OLFM3: variants seen among roughly 807,000 people sequenced by gnomAD.
The protein encoded by OLFM3 is noelin-3.
A neutral mutation model predicts 48.6 loss-of-function variants in OLFM3; 20 were observed. The ratio of observed to expected loss-of-function variants is 0.41; its 90% CI spans 0.29 to 0.60. The LOEUF is 0.60. Ranked by LOEUF, OLFM3 falls within the 20% of genes least tolerant of loss-of-function variation. OLFM3 has a pLI of 0.28. For missense variants in OLFM3, 437 were observed against 544.3 expected, an observed-to-expected ratio of 0.80 and a Z score of 1.96; for synonymous variants, 222 against 198.1, an observed-to-expected ratio of 1.12 and a Z score of -1.01.
At chr1:101,818,767 C>A (rs978403045) in intron 4 of OLFM3, among the ~76,000 whole-genome samples, 3 of 152,122 alleles carry the variant, frequency 2.0e-5, no homozygotes, top group Admixed American at 1.3e-4. Flanking sequence ...TTCCTTCCCC[C>A]CAAAAGCTTT....
chr1:101,949,262 T>C (rs1411353917), intron 1 of OLFM3, among the ~76,000 whole-genome samples: 2 of 152,172 alleles, frequency 1.3e-5, no homozygotes, highest in Non-Finnish European at 2.9e-5. Flanking sequence ...CTGGCTCTTT[T>C]TATCTTCTTG....
intron 1 of OLFM3, among the ~76,000 whole-genome samples, chr1:101,909,435 T>C (rs577238611): frequency 6.6e-6 from 1 of 152,348 alleles, no homozygotes; most frequent in East Asian, 1.9e-4. Flanking sequence ...AATATATTCA[T>C]CATGTAAATT....
At chr1:101,957,659 A>G (rs528598056) in intron 1 of OLFM3, among the ~76,000 whole-genome samples, 2 of 152,176 alleles carry the variant, frequency 1.3e-5, no homozygotes, top group South Asian at 4.1e-4. Flanking sequence ...TTGAAATTTA[A>G]GAAAATTATA....
chr1:101,913,692 A>G (rs1658832698), intron 1 of OLFM3, among the ~76,000 whole-genome samples: 1 of 152,238 alleles, frequency 6.6e-6, no homozygotes, highest in East Asian at 1.9e-4. Context: ...ACAGAAAAAA[A>G]AAAAAAATCA....
intron 1 of OLFM3, among the ~76,000 whole-genome samples, chr1:101,980,806 T>A (rs2101108559): frequency 6.6e-6 from 1 of 152,164 alleles, no homozygotes; most frequent in African/African-American, 2.4e-5. Context: ...ATTTTCCACA[T>A]CAGAAGAGAA....
At chr1:101,874,035 G>T (rs1244771203) in intron 1 of OLFM3, among the ~76,000 whole-genome samples, 1 of 151,814 alleles carries the variant, frequency 6.6e-6, no homozygotes, top group Non-Finnish European at 1.5e-5. Flanking sequence ...TACCTACATG[G>T]CTTATTATCA....
intron 1 of OLFM3, among the ~76,000 whole-genome samples, chr1:101,994,513 T>A (rs1160965465): frequency 1.3e-5 from 2 of 149,956 alleles, no homozygotes; most frequent in African/African-American, 4.9e-5. Context: ...TACAAAATTC[T>A]TAGTTTATAA....
intron 1 of OLFM3, among the ~76,000 whole-genome samples, chr1:101,841,073 CTT>C (rs971645003): frequency 6.6e-6 from 1 of 152,108 alleles, no homozygotes; most frequent in Non-Finnish European, 1.5e-5. Flanking sequence ...TTGCTTATAA[CTT>C]AATTACAAAG....
intron 4 of OLFM3, chr1:101,812,513 G>A (rs577261501): frequency 4.1e-6 from 4 of 985,294 alleles, no homozygotes; most frequent in African/African-American, 1.7e-5. Context: ...TGCATAATCC[G>A]ATGTTGATTA....
chr1:101,825,560 AT>A (rs1192001484), intron 3 of OLFM3, among the ~76,000 whole-genome samples: 1 of 152,182 alleles, frequency 6.6e-6, no homozygotes, highest in African/African-American at 2.4e-5. Context: ...TTCTGGTAAC[AT>A]TTTATATAGT....
intron 1 of OLFM3, among the ~76,000 whole-genome samples, chr1:101,938,096 T>G (rs1040272608): frequency 6.6e-6 from 1 of 152,236 alleles, no homozygotes; most frequent in African/African-American, 2.4e-5. Flanking sequence ...AGAAATCAAA[T>G]ATTTTTCATT....
intron 1 of OLFM3, among the ~76,000 whole-genome samples, chr1:101,914,558 T>C (rs1658863108): frequency 6.6e-6 from 1 of 152,206 alleles, no homozygotes; most frequent in Non-Finnish European, 1.5e-5. Flanking sequence ...ATTATTAAAT[T>C]AGCTCATTGC....
rs1179827392 is a variant in OLFM3, at chr1:101,804,724, A to C, written c.891T>G (p.Phe297Leu). 1 of 1,612,716 alleles carries C rather than the reference A, an allele frequency of 6.2e-7. No individual in the cohort carries two copies. ...GTTGGGCAAGCACTCTCCCCATATC[A>C]AAGCTGTATTTGATGATGATATTAC... Reference protein sequence around the residue: ...YQSNIIIKYSFDMGRVLAQRS... With the variant: ...YQSNIIIKYSLDMGRVLAQRS... Residue 297 changes from phenylalanine (F) to leucine (L), a missense_variant, in exon 6 of 6, where the codon TTT (phenylalanine) becomes TTG (leucine). By Grantham distance (22) the Phe-to-Leu change is conservative. Around this residue, in one of 3 missense-constraint regions of OLFM3, gnomAD observed 314 missense variants for 365.5 expected, o/e 0.86. Coordinates refer to ENST00000370103, the MANE Select transcript of OLFM3 (RefSeq NM_058170.4). The surrounding 1 kb of genome is among the most constrained non-coding windows in gnomAD (Gnocchi z 4.5).
At chr1:101,866,629 A>C (rs1437737523) in intron 1 of OLFM3, among the ~76,000 whole-genome samples, 1 of 152,194 alleles carries the variant, frequency 6.6e-6, no homozygotes, top group Non-Finnish European at 1.5e-5. Flanking sequence ...ATAGTACTTA[A>C]TATAAACACG....
At chr1:101,960,485 C>T (rs965502710) in intron 1 of OLFM3, among the ~76,000 whole-genome samples, 1 of 152,162 alleles carries the variant, frequency 6.6e-6, no homozygotes, top group East Asian at 1.9e-4. Context: ...ATCTATAAAA[C>T]CATACAACAT....
chr1:101,839,878 T>C (rs1387403185), intron 1 of OLFM3, among the ~76,000 whole-genome samples: 1 of 152,238 alleles, frequency 6.6e-6, no homozygotes, highest in East Asian at 1.9e-4. Context: ...TGACCTTCTC[T>C]ACTACAGAGT....
intron 1 of OLFM3, among the ~76,000 whole-genome samples, chr1:101,940,091 T>TAATAGACA (rs1346394911): frequency 6.6e-6 from 1 of 152,178 alleles, no homozygotes; most frequent in Admixed American, 6.6e-5. Context: ...AGTAGGAGTG[T>TAATAGACA]AATAGACATA....
intron 1 of OLFM3, among the ~76,000 whole-genome samples, chr1:101,866,188 A>G (rs1302912186): frequency 6.6e-6 from 1 of 152,230 alleles, no homozygotes; most frequent in African/African-American, 2.4e-5. Context: ...GTTTAGTAAT[A>G]TAAATAAATA....
intron 1 of OLFM3, among the ~76,000 whole-genome samples, chr1:101,880,720 C>T (rs1557714034): frequency 6.6e-6 from 1 of 151,764 alleles, no homozygotes; most frequent in Non-Finnish European, 1.5e-5. Flanking sequence ...GATTATTAAG[C>T]AGGACAGACT....
Sources: gnomAD v4.1 joint callset for allele counts (sites outside exome capture counted in the v4.1 genomes callset) on GRCh38, gnomAD v4.1.1 for gene constraint, gnomAD v4.1.1 regional missense constraint, Gnocchi (gnomAD v3.1) non-coding constraint, MANE v1.5 for transcripts, NCBI Gene and HGNC (gene_info 2026-07-23, HGNC 2026-07-21) for gene names.